The following ANKRD30A variants were observed in gnomAD, a reference collection of about 807,000 sequenced individuals.
ANKRD30A encodes ankyrin repeat domain 30A, also known as ankyrin repeat domain-containing protein 30A.
A neutral mutation model predicts 166.3 loss-of-function variants in ANKRD30A; 170 were observed. The observed-to-expected ratio is 1.02, with a 90% CI of 0.90 to 1.16. The LOEUF (loss-of-function observed/expected upper bound fraction) is 1.16, where lower values mean the gene tolerates loss of function less well. Among genes scored for constraint, ANKRD30A ranks in the 50% most tolerant of loss-of-function variants. The pLI is 0.00. For synonymous variants in ANKRD30A, 564 were observed against 508.9 expected (o/e 1.11, Z -1.46); for missense variants, 1,630 against 1,518.0 (o/e 1.07, Z -1.23).
rs144246088 is a variant in ANKRD30A at position 37,134,911 on chromosome 10, A to G, written c.755+858A>G. 3.3e-3 allele frequency among the ~76,000 whole-genome samples: 510 copies of G among 152,324 alleles called. 7 individuals are homozygous for G. In the East Asian group the frequency reaches 0.053, roughly 16 times the overall value. Reference sequence around the variant, plus strand: ...CCATTTTTATTTTGTTACCAGATCTATATCCCTGGCACTTTATATCCTGTG... The same window carrying G: ...CCATTTTTATTTTGTTACCAGATCTGTATCCCTGGCACTTTATATCCTGTG... On this transcript the variant is annotated intron_variant, in intron 5 of 35. Coordinates refer to ENST00000361713, the MANE Select transcript of ANKRD30A (RefSeq NM_052997.3).
At position 37,208,915 on chromosome 10, in the gene ANKRD30A, G is replaced by C. The variant is rs563173463; in HGVS notation, c.2870-7266G>C. On this transcript the variant is annotated intron_variant, in intron 31 of 35. Transcript: ENST00000361713. Reference sequence around the variant, plus strand: ...ATTCCTCAACCCTTTGGCAACCACTGATCTTTTTACTCTATCTATACATAA... The same window carrying C: ...ATTCCTCAACCCTTTGGCAACCACTCATCTTTTTACTCTATCTATACATAA... Among the ~76,000 whole-genome samples the C allele has an allele frequency of 6.6e-5, 10 of 152,230 alleles. No individual in the cohort carries two copies. The South Asian group carries it at 1.9e-3, about 28-fold the overall frequency.
chr10:37,156,661 T>C (rs935537684), intron 13 of ANKRD30A, among the ~76,000 whole-genome samples: 8 of 152,224 alleles, frequency 5.3e-5, no homozygotes, highest in African/African-American at 1.7e-4. Flanking sequence ...GACACTCTGC[T>C]TTCTTTGCAC....
chr10:37,203,388 A>G (rs1159825998), intron 31 of ANKRD30A, among the ~76,000 whole-genome samples: 20 of 152,226 alleles, frequency 1.3e-4, no homozygotes, highest in Admixed American at 1.3e-3. Context: ...CAAAAACCAC[A>G]TGATTATCTC....
intron 8 of ANKRD30A, among the ~76,000 whole-genome samples, chr10:37,146,596 T>A (rs1221563378): frequency 2.0e-5 from 3 of 152,144 alleles, no homozygotes; most frequent in African/African-American, 7.2e-5. Flanking sequence ...GCTTACAGAC[T>A]CCCTGTTGAG....
intron 1 of ANKRD30A, 22 bp downstream of exon 1, chr10:37,126,030 G>A (rs563750571): frequency 5.6e-6 from 9 of 1,611,704 alleles, no homozygotes; most frequent in Middle Eastern, 2.2e-4. Flanking sequence ...TGCCTGAGCC[G>A]GGGCTGCAGG....
At chr10:37,139,336 A>G (rs756236408) in intron 6 of ANKRD30A, among the ~76,000 whole-genome samples, 1 of 152,214 alleles carries the variant, frequency 6.6e-6, no homozygotes, top group Non-Finnish European at 1.5e-5. Context: ...GTCAGCAGCC[A>G]CAGCCCTGGC....
chr10:37,166,855 T>C (rs1197729346), intron 19 of ANKRD30A, among the ~76,000 whole-genome samples, 160 bp downstream of exon 19: 2 of 152,166 alleles, frequency 1.3e-5, no homozygotes, highest in Non-Finnish European at 2.9e-5. Context: ...CATCAGGTGA[T>C]GGCAACAGAC....
chr10:37,226,044 C>A (rs1326786292), intron 34 of ANKRD30A, among the ~76,000 whole-genome samples: 1 of 151,604 alleles, frequency 6.6e-6, no homozygotes, highest in Non-Finnish European at 1.5e-5. Flanking sequence ...TTGTTCAAAT[C>A]ACAGTACATG....
chr10:37,136,210 T>C (rs888269897), intron 5 of ANKRD30A, among the ~76,000 whole-genome samples: 1 of 152,218 alleles, frequency 6.6e-6, no homozygotes, highest in African/African-American at 2.4e-5. Context: ...GTTAGATCTT[T>C]ATAATAGTCT....
At chr10:37,135,075 G>A (rs1360302381) in intron 5 of ANKRD30A, among the ~76,000 whole-genome samples, 1 of 152,108 alleles carries the variant, frequency 6.6e-6, no homozygotes, top group Non-Finnish European at 1.5e-5. Flanking sequence ...AATCTCCCAT[G>A]CTACTTGCAT....
chr10:37,177,953 G>C, intron 24 of ANKRD30A, among the ~76,000 whole-genome samples: 1 of 149,422 alleles, frequency 6.7e-6, no homozygotes, highest in Non-Finnish European at 1.5e-5. Flanking sequence ...AAGAGGAGCT[G>C]AATTACTAGT....
At chr10:37,196,093 AT>A (rs749036981) in intron 27 of ANKRD30A, among the ~76,000 whole-genome samples, 1,702 of 129,420 alleles carry the variant, frequency 0.013, 19 homozygotes, top group African/African-American at 0.027. Context: ...TATATTTTCT[AT>A]TTTTTTTTTT....
intron 3 of ANKRD30A, among the ~76,000 whole-genome samples, chr10:37,131,697 G>A (rs769587401): frequency 4.6e-5 from 7 of 152,260 alleles, no homozygotes; most frequent in South Asian, 2.1e-4. Flanking sequence ...AAATGTTAAT[G>A]TCTGCTGCAA....
intron 11 of ANKRD30A, 28 bp downstream of exon 11, chr10:37,149,877 G>T (rs1385408390): frequency 6.2e-7 from 1 of 1,610,946 alleles, no homozygotes. Context: ...ACTATGCAAA[G>T]ACGAATATTT....
At chr10:37,149,561 G>A in intron 9 of ANKRD30A, 90 bp from the exon 10 acceptor site, 1 of 1,452,156 alleles carries the variant, frequency 6.9e-7, no homozygotes, top group Non-Finnish European at 9.5e-7. Context: ...AGTCGACCAA[G>A]AGGAATCAGT....
At chr10:37,161,104 A>G (rs1015440502) in intron 15 of ANKRD30A, among the ~76,000 whole-genome samples, 1 of 152,158 alleles carries the variant, frequency 6.6e-6, no homozygotes, top group Non-Finnish European at 1.5e-5. Context: ...ATACAAAAAA[A>G]TTAGTCGGAC....
chr10:37,149,409 C>T (rs182101286), intron 9 of ANKRD30A, among the ~76,000 whole-genome samples: 16 of 152,166 alleles, frequency 1.1e-4, no homozygotes, highest in Admixed American at 9.8e-4. Flanking sequence ...CCTTTTTACA[C>T]GTGAAACACA....
chr10:37,200,775 A>G (rs186395705), intron 30 of ANKRD30A, among the ~76,000 whole-genome samples: 36 of 152,194 alleles, frequency 2.4e-4, no homozygotes, highest in South Asian at 1.9e-3. Flanking sequence ...ACAGACTCTA[A>G]AAGTTCTCTT....
chr10:37,134,293 A>G (rs878899745), intron 5 of ANKRD30A, among the ~76,000 whole-genome samples: 1 of 152,326 alleles, frequency 6.6e-6, no homozygotes, highest in Non-Finnish European at 1.5e-5. Context: ...CCACTTTAGC[A>G]GAAAACCTGA....
Sources: allele counts gnomAD v4.1 joint callset (sites outside exome capture counted in the v4.1 genomes callset), GRCh38; gene constraint gnomAD v4.1.1; transcripts MANE v1.5; gene names NCBI Gene and HGNC (gene_info 2026-07-23, HGNC 2026-07-21).